The following TUFT1 variants were observed in gnomAD, a reference collection of about 807,000 sequenced individuals.
TUFT1 encodes tuftelin 1, also known as tuftelin.
TUFT1 carries 43 observed loss-of-function variants against 57.8 expected under a neutral mutation model. That is an observed-to-expected ratio of 0.74 (90% CI 0.58 to 0.96). The LOEUF (loss-of-function observed/expected upper bound fraction) is 0.96. TUFT1 is among the 40% of genes least tolerant of loss of function. The pLI, the probability that TUFT1 is intolerant of heterozygous loss-of-function variation, is 0.00. For synonymous variants in TUFT1, 166 were observed against 176.7 expected (o/e 0.94, Z 0.48); for missense variants, 459 against 489.0 (o/e 0.94, Z 0.58).
chr1:151,540,500 C>T (rs758563130), intron 1 of TUFT1, 74 bp downstream of exon 1: 7 of 1,568,004 alleles, frequency 4.5e-6, no homozygotes, highest in Non-Finnish European at 4.4e-6. Flanking sequence ...CCGTGCCCCG[C>T]GCCGTGTTGG....
At chr1:151,540,471 G>A in intron 1 of TUFT1, 45 bp downstream of exon 1, 1 of 1,610,892 alleles carries the variant, frequency 6.2e-7, no homozygotes. Flanking sequence ...TGTATTCCCG[G>A]TTTCTAAGTC....
intron 1 of TUFT1, among the ~76,000 whole-genome samples, chr1:151,555,771 C>A (rs1404742983): frequency 7.8e-6 from 1 of 128,964 alleles, no homozygotes; most frequent in Admixed American, 8.4e-5. Flanking sequence ...GGTGAGACTC[C>A]GTCTCAAAAA....
At chr1:151,559,338 C>A (rs1665810340) in intron 1 of TUFT1, among the ~76,000 whole-genome samples, 1 of 152,176 alleles carries the variant, frequency 6.6e-6, no homozygotes, top group African/African-American at 2.4e-5. Context: ...CATGGGAGGC[C>A]TTGTGACGCT....
intron 5 of TUFT1, 70 bp from the exon 6 acceptor site, chr1:151,566,093 A>C: frequency 3.1e-6 from 3 of 975,860 alleles, no homozygotes; most frequent in Non-Finnish European, 4.3e-6. Flanking sequence ...TTTGAGTGTT[A>C]GGAGAATAAT....
chr1:151,567,337 G>A (rs1423511610), intron 6 of TUFT1, among the ~76,000 whole-genome samples: 1 of 151,968 alleles, frequency 6.6e-6, no homozygotes, highest in African/African-American at 2.4e-5. Context: ...CCTCAGCCTG[G>A]GAGGGACTGT....
chr1:151,561,288 G>A (rs1424569166), intron 1 of TUFT1, among the ~76,000 whole-genome samples: 3 of 152,040 alleles, frequency 2.0e-5, no homozygotes, highest in Admixed American at 6.6e-5. Context: ...GTGAGCCACC[G>A]TGCCCGGCCT....
At chr1:151,565,735 C>T (rs1286061574) in intron 5 of TUFT1, among the ~76,000 whole-genome samples, 2 of 152,206 alleles carry the variant, frequency 1.3e-5, no homozygotes, top group Non-Finnish European at 2.9e-5. Flanking sequence ...ATCAGGATCC[C>T]TGGGGGCAAG....
intron 7 of TUFT1, among the ~76,000 whole-genome samples, chr1:151,573,573 C>T (rs1201451280): frequency 2.6e-5 from 4 of 152,078 alleles, no homozygotes; most frequent in South Asian, 2.1e-4. Context: ...GGATAAACCC[C>T]GTCTCTACTA....
intron 4 of TUFT1, 118 bp from the exon 5 acceptor site, chr1:151,564,407 A>G (rs1326441674): frequency 1.2e-5 from 8 of 694,260 alleles, no homozygotes; most frequent in African/African-American, 5.4e-5. Context: ...TCCTGCAGCC[A>G]GTCGTTAGGA....
intron 1 of TUFT1, among the ~76,000 whole-genome samples, chr1:151,553,944 CTGTT>C (rs1408318988): frequency 1.3e-5 from 2 of 152,112 alleles, no homozygotes; most frequent in South Asian, 2.1e-4. Flanking sequence ...TGTTTAATGA[CTGTT>C]TGGGTATCCT....
chr1:151,543,095 T>A (rs1029342755), intron 1 of TUFT1, among the ~76,000 whole-genome samples: 1 of 152,198 alleles, frequency 6.6e-6, no homozygotes, highest in Admixed American at 6.5e-5. Flanking sequence ...GCGTATCACA[T>A]GTGGACATGG....
At chr1:151,570,303 A>G (rs1666217046) in intron 7 of TUFT1, among the ~76,000 whole-genome samples, 1 of 152,184 alleles carries the variant, frequency 6.6e-6, no homozygotes, top group East Asian at 1.9e-4. Flanking sequence ...TGGAATGAGT[A>G]TCTTTTTTTC....
chr1:151,559,950 C>T (rs943540626), intron 1 of TUFT1, among the ~76,000 whole-genome samples: 9 of 151,826 alleles, frequency 5.9e-5, no homozygotes, highest in Admixed American at 2.0e-4. Context: ...CCCACCACCA[C>T]GCCTGGCTAA....
At chr1:151,549,674 A>G (rs1458232258) in intron 1 of TUFT1, among the ~76,000 whole-genome samples, 3 of 152,232 alleles carry the variant, frequency 2.0e-5, no homozygotes, top group Admixed American at 6.5e-5. Context: ...GATTTGCTCA[A>G]GGATTAATGG....
At chr1:151,558,870 C>T (rs4970961) in intron 1 of TUFT1, among the ~76,000 whole-genome samples, 48,296 of 151,336 alleles carry the variant, frequency 0.32, 8,713 homozygotes, top group East Asian at 0.62. Context: ...CTGGAACCTC[C>T]ACCTCCTAGG....
rs1185022185 is a variant in TUFT1 at position 151,540,343 on chromosome 1, T to A, written c.-24T>A. 1.9e-6 allele frequency: 3 copies of A among 1,613,902 alleles called. No homozygotes were observed. Among genetic ancestry groups the A allele is most frequent in the African/African-American group, 1.3e-5 (1 of 75,024 alleles). ...CAGACAGCGGGGTGGACAAGTGGCG[T>A]GTGTGCTGCGACCCCGAGGGAAGAT... On this transcript the variant is annotated 5_prime_UTR_variant, in exon 1 of 13. Coordinates refer to ENST00000368849, the MANE Select transcript of TUFT1 (RefSeq NM_020127.3).
chr1:151,541,199 G>A (rs958306874), intron 1 of TUFT1, among the ~76,000 whole-genome samples: 1 of 152,158 alleles, frequency 6.6e-6, no homozygotes, highest in Non-Finnish European at 1.5e-5. Flanking sequence ...AACCCGGGCC[G>A]AGAAGGGGAG....
chr1:151,544,775 G>A (rs1665280353), intron 1 of TUFT1, among the ~76,000 whole-genome samples: 1 of 152,114 alleles, frequency 6.6e-6, no homozygotes, highest in African/African-American at 2.4e-5. Context: ...CTGCTCCATG[G>A]AAGTAACCAC....
rs1187717035 is a variant in TUFT1, at chr1:151,579,631, T to G, written c.925-18T>G. On this transcript the variant is annotated intron_variant, in intron 10 of 12. Transcript: ENST00000368849. ...AGTCATTGCAAAATGAGCTCCAGTG[T>G]CTCCCACACCTTTGCAGCTCCAGAA... 4 of 1,613,488 alleles carry G rather than the reference T, an allele frequency of 2.5e-6. No individual in the cohort carries two copies. The highest frequency in any genetic ancestry group is 3.4e-6 in the Non-Finnish European group (4 of 1,179,686).
Sources: allele counts gnomAD v4.1 joint callset (sites outside exome capture counted in the v4.1 genomes callset), GRCh38; gene constraint gnomAD v4.1.1; transcripts MANE v1.5; gene names NCBI Gene and HGNC (gene_info 2026-07-23, HGNC 2026-07-21).